The following ZNF385D variants were observed in gnomAD, a reference collection of about 807,000 sequenced individuals.
ZNF385D encodes the protein zinc finger protein 385D.
ZNF385D carries 15 observed loss-of-function variants against 35.8 expected under a neutral mutation model. The ratio of observed to expected loss-of-function variants is 0.42; its 90% CI spans 0.28 to 0.64. The LOEUF is 0.64. ZNF385D is among the 30% of genes least tolerant of loss of function. The pLI, the probability that ZNF385D is intolerant of heterozygous loss-of-function variation, is 0.23. For synonymous variants in ZNF385D, 212 were observed against 186.8 expected (o/e 1.13, Z -1.10); for missense variants, 474 against 494.6 (o/e 0.96, Z 0.39).
At chr3:22,147,810 A>T (rs1397036953) in intron 3 of ZNF385D, among the ~76,000 whole-genome samples, 1 of 152,180 alleles carries the variant, frequency 6.6e-6, no homozygotes, top group Admixed American at 6.5e-5. Context: ...CATTGGCCAC[A>T]GATTCCAGTG....
chr3:21,547,720 G>A (rs1292148234), intron 3 of ZNF385D, among the ~76,000 whole-genome samples: 2 of 151,480 alleles, frequency 1.3e-5, no homozygotes, highest in Admixed American at 6.6e-5. Context: ...AGGTTCAAGC[G>A]ATTCTCCTGC....
At chr3:22,196,682 T>C (rs1303779551) in intron 2 of ZNF385D, among the ~76,000 whole-genome samples, 1 of 152,074 alleles carries the variant, frequency 6.6e-6, no homozygotes, top group African/African-American at 2.4e-5. Context: ...CACTTTGATT[T>C]TGCTCATGTT....
chr3:21,928,620 G>T (rs921565358), intron 3 of ZNF385D, among the ~76,000 whole-genome samples: 1 of 152,158 alleles, frequency 6.6e-6, no homozygotes, highest in Non-Finnish European at 1.5e-5. Flanking sequence ...AAGGAAAATA[G>T]TGGGGAGATA....
intron 1 of ZNF385D, among the ~76,000 whole-genome samples, chr3:21,671,584 A>G (rs181435900): frequency 1.6e-3 from 242 of 152,348 alleles, no homozygotes; most frequent in African/African-American, 5.7e-3. Flanking sequence ...ACCAGAAAGA[A>G]ACTGAACAAC....
chr3:21,417,129 T>A lies in ZNF385D; in HGVS notation c.*4085A>T, dbSNP rs1005771807. 1.3e-5 allele frequency: 2 copies of A among 152,112 alleles called. No individual in the cohort carries two copies. The highest frequency in any genetic ancestry group is 4.8e-5 in the African/African-American group (2 of 41,432). 9.4% of individuals were successfully genotyped at this position (152,112 alleles called of 1,614,324 possible). A position where few individuals can be genotyped will look rare whatever the true frequency, so the allele number is the denominator to read the frequency against. On this transcript the variant is annotated 3_prime_UTR_variant, in exon 8 of 8. Transcript: ENST00000281523. ...GGCTTACACTCAGGATGGAAAGGAA[T>A]ACAGAATATTTTTCTGGACATATGC...
chr3:22,131,486 A>C (rs1703783835), intron 3 of ZNF385D, among the ~76,000 whole-genome samples: 2 of 152,176 alleles, frequency 1.3e-5, no homozygotes, highest in Non-Finnish European at 2.9e-5. Flanking sequence ...TATTTTTAAG[A>C]TAAAAGAATA....
intron 3 of ZNF385D, among the ~76,000 whole-genome samples, chr3:21,997,336 C>G (rs943602577): frequency 6.6e-6 from 1 of 152,008 alleles, no homozygotes; most frequent in African/African-American, 2.4e-5. Context: ...ACATCACACA[C>G]TGGGGTCTGT....
chr3:21,872,429 T>C (rs1281913071), intron 3 of ZNF385D, among the ~76,000 whole-genome samples: 15 of 152,124 alleles, frequency 9.9e-5, no homozygotes, highest in Non-Finnish European at 1.9e-4. Flanking sequence ...AAAATGAAAA[T>C]CTATTGAATT....
chr3:21,629,543 A>C (rs1386423865), intron 2 of ZNF385D, among the ~76,000 whole-genome samples: 3 of 152,206 alleles, frequency 2.0e-5, no homozygotes, highest in Admixed American at 1.3e-4. Context: ...TGTCCATGAC[A>C]GCTTAATCAG....
At chr3:22,299,067 G>A (rs2041689171) in intron 2 of ZNF385D, among the ~76,000 whole-genome samples, 1 of 151,862 alleles carries the variant, frequency 6.6e-6, no homozygotes, top group East Asian at 1.9e-4. Flanking sequence ...GCTTGTGTCA[G>A]GAGAATGCCA....
At chr3:21,564,501 TCTTTTCTCCTGCAAGA>T (rs927178708) in intron 3 of ZNF385D, 57 bp downstream of exon 3, 1 of 909,060 alleles carries the variant, frequency 1.1e-6, no homozygotes, top group African/African-American at 1.7e-5. Context: ...TCTTAAGAAA[TCTTTTCTCCTGCAAGA>T]TTAGAACAGC....
intron 2 of ZNF385D, among the ~76,000 whole-genome samples, chr3:22,214,314 A>C (rs1480353591): frequency 6.6e-6 from 1 of 151,816 alleles, no homozygotes; most frequent in South Asian, 2.1e-4. Flanking sequence ...GCTGAGGAGG[A>C]TGTATGTCGC....
At chr3:22,094,696 G>C (rs1045429980) in intron 3 of ZNF385D, among the ~76,000 whole-genome samples, 1 of 151,936 alleles carries the variant, frequency 6.6e-6, no homozygotes, top group African/African-American at 2.4e-5. Flanking sequence ...GGCTAGTCAT[G>C]AGAATACCAG....
intron 3 of ZNF385D, among the ~76,000 whole-genome samples, chr3:22,091,057 G>C (rs757263786): frequency 6.6e-6 from 1 of 152,128 alleles, no homozygotes; most frequent in Non-Finnish European, 1.5e-5. Context: ...GATTCAACAG[G>C]TGTTAGGCCA....
chr3:21,730,579 C>G (rs2125484975), intron 1 of ZNF385D, among the ~76,000 whole-genome samples: 1 of 152,276 alleles, frequency 6.6e-6, no homozygotes, highest in South Asian at 2.1e-4. Flanking sequence ...AACGATAGAG[C>G]AGTGAACAAA....
At chr3:22,004,245 A>C (rs923999733) in intron 3 of ZNF385D, among the ~76,000 whole-genome samples, 3 of 152,160 alleles carry the variant, frequency 2.0e-5, no homozygotes, top group African/African-American at 7.2e-5. Context: ...GGACATCCAT[A>C]GGCAGAAGAC....
At chr3:22,083,373 T>C (rs983507241) in intron 3 of ZNF385D, among the ~76,000 whole-genome samples, 5 of 152,070 alleles carry the variant, frequency 3.3e-5, no homozygotes, top group African/African-American at 7.2e-5. Context: ...ATAAACAGCA[T>C]AGAGAAGACC....
intron 4 of ZNF385D, among the ~76,000 whole-genome samples, chr3:21,444,489 A>T (rs1236077039): frequency 6.7e-6 from 1 of 149,384 alleles, no homozygotes; most frequent in Non-Finnish European, 1.5e-5. Flanking sequence ...GGTTCAAGCA[A>T]TTCTCCTGCC....
At chr3:22,244,695 G>A (rs1699680288) in intron 2 of ZNF385D, among the ~76,000 whole-genome samples, 1 of 151,020 alleles carries the variant, frequency 6.6e-6, no homozygotes, top group African/African-American at 2.5e-5. Context: ...GCAACTCTAT[G>A]CTGAATTTAC....
Sources: gnomAD v4.1 joint callset for allele counts (sites outside exome capture counted in the v4.1 genomes callset) on GRCh38, gnomAD v4.1.1 for gene constraint, MANE v1.5 for transcripts, NCBI Gene and HGNC (gene_info 2026-07-23, HGNC 2026-07-21) for gene names.